SLC25A24: variants seen among roughly 807,000 people sequenced by gnomAD.
SLC25A24 encodes solute carrier family 25 member 24.
Under a neutral mutation model 60.7 loss-of-function variants are expected in SLC25A24, and 49 were observed. That is an observed-to-expected ratio of 0.81 (90% CI 0.64 to 1.02). The LOEUF is 1.02. SLC25A24 is among the 50% of genes least tolerant of loss of function. The pLI, the probability that SLC25A24 is intolerant of heterozygous loss-of-function variation, is 0.00. For missense variants in SLC25A24, 564 were observed against 586.3 expected (o/e 0.96, Z 0.39); for synonymous variants, 202 against 200.6 (o/e 1.01, Z -0.06).
chr1:108,138,311 G>A (rs1679344488), intron 9 of SLC25A24, among the ~76,000 whole-genome samples: 1 of 152,208 alleles, frequency 6.6e-6, no homozygotes, highest in Non-Finnish European at 1.5e-5. Flanking sequence ...TGGGGTTGCT[G>A]TGGCTGGCAC....
chr1:108,166,185 A>C (rs1571295751), intron 3 of SLC25A24, among the ~76,000 whole-genome samples: 1 of 151,954 alleles, frequency 6.6e-6, no homozygotes, highest in East Asian at 1.9e-4. Flanking sequence ...ATGGGCTTCC[A>C]TTTGAGGGTA....
intron 6 of SLC25A24, among the ~76,000 whole-genome samples, chr1:108,148,871 G>A (rs1042051302): frequency 2.0e-5 from 3 of 152,194 alleles, no homozygotes; most frequent in African/African-American, 7.2e-5. Context: ...GTCTCGAAAT[G>A]TATACACTAC....
chr1:108,171,706 T>C (rs945016583), intron 3 of SLC25A24, among the ~76,000 whole-genome samples: 7 of 152,214 alleles, frequency 4.6e-5, no homozygotes, highest in African/African-American at 1.7e-4. Flanking sequence ...ACAACAGGCA[T>C]GGCACTAAAC....
In SLC25A24 at chr1:108,134,424, C is replaced by T. The variant is rs571044579; in HGVS notation, c.*2229G>A. ...TTAAAAAATTACTTACCAGTGAATT[C>T]AACTTAGAATTTTTTCCCACAATTT... is the stretch of plus-strand genomic sequence containing the variant. On this transcript the variant is annotated 3_prime_UTR_variant, in exon 10 of 10. Coordinates refer to ENST00000565488, the MANE Select transcript of SLC25A24 (RefSeq NM_013386.5). The T allele has an allele frequency of 3.9e-5, 6 of 152,120 alleles. No homozygotes were observed. Among genetic ancestry groups the T allele is most frequent in the Non-Finnish European group, 8.8e-5 (6 of 68,014 alleles). The allele number at this position is 152,120 out of a possible 1,614,324, so 9.4% of individuals were successfully genotyped here. A position where few individuals can be genotyped will look rare whatever the true frequency, so the allele number is the denominator to read the frequency against.
intron 1 of SLC25A24, among the ~76,000 whole-genome samples, chr1:108,189,719 G>A (rs1040276216): frequency 1.3e-5 from 2 of 151,498 alleles, no homozygotes; most frequent in Non-Finnish European, 2.9e-5. Context: ...CGGAGGTTGA[G>A]GCACAAGAAT....
intron 3 of SLC25A24, among the ~76,000 whole-genome samples, chr1:108,164,976 G>T (rs1680203184): frequency 6.9e-6 from 1 of 144,150 alleles, no homozygotes; most frequent in Non-Finnish European, 1.5e-5. Context: ...GCGTCCCAGA[G>T]ATTCTGGTAT....
At chr1:108,189,892 T>G (rs149639959) in intron 1 of SLC25A24, among the ~76,000 whole-genome samples, 1,945 of 148,306 alleles carry the variant, frequency 0.013, 7 homozygotes, top group Non-Finnish European at 0.019. Flanking sequence ...TATGTATATA[T>G]AGAGAGAGTA....
At position 108,136,627 on chromosome 1, in the gene SLC25A24, A is replaced by G; in HGVS notation, c.*26T>C. ...CCAGAGATTGTTGAAAGTTTCAATT[A>G]TCAGGCTAAAGCAAAAAATGCAACA... On this transcript the variant is annotated 3_prime_UTR_variant, in exon 10 of 10. Coordinates refer to ENST00000565488, the MANE Select transcript of SLC25A24 (RefSeq NM_013386.5). 1 of 1,592,388 alleles carries G rather than the reference A, an allele frequency of 6.3e-7. No individual in the cohort carries two copies. The highest frequency in any genetic ancestry group is 1.1e-5 in the South Asian group (1 of 89,360).
chr1:108,182,909 A>C (rs1357116167), intron 2 of SLC25A24, among the ~76,000 whole-genome samples: 4 of 152,248 alleles, frequency 2.6e-5, no homozygotes, highest in South Asian at 2.1e-4. Context: ...AAAGACAGAA[A>C]ATTTTTAATA....
intron 3 of SLC25A24, among the ~76,000 whole-genome samples, chr1:108,178,120 C>T (rs1571303152): frequency 1.3e-5 from 2 of 152,094 alleles, no homozygotes; most frequent in South Asian, 2.1e-4. Flanking sequence ...CGAGACCCTG[C>T]CACTGCACTC....
intron 8 of SLC25A24, 125 bp from the exon 9 acceptor site, chr1:108,139,333 A>AAT: frequency 1.0e-6 from 1 of 977,652 alleles, no homozygotes; most frequent in Non-Finnish European, 1.5e-6. Flanking sequence ...CATTTGCAGA[A>AAT]GCAGCAGGCA....
intron 3 of SLC25A24, among the ~76,000 whole-genome samples, chr1:108,170,579 A>T (rs917303041): frequency 2.0e-5 from 3 of 152,116 alleles, no homozygotes; most frequent in African/African-American, 7.2e-5. Context: ...ACTATGATGG[A>T]TTTGCCAATT....
chr1:108,188,450 A>G (rs1022688501), intron 1 of SLC25A24, among the ~76,000 whole-genome samples: 3 of 152,190 alleles, frequency 2.0e-5, no homozygotes, highest in African/African-American at 7.2e-5. Context: ...GTGTGTTATA[A>G]CTGCCTACGG....
intron 7 of SLC25A24, among the ~76,000 whole-genome samples, chr1:108,146,622 T>A (rs185949875): frequency 4.6e-5 from 7 of 152,372 alleles, no homozygotes; most frequent in Admixed American, 6.5e-5. Flanking sequence ...GTTTTTAACA[T>A]GAAGTGGTGT....
At chr1:108,158,442 C>G (rs778027671) in intron 4 of SLC25A24, among the ~76,000 whole-genome samples, 1 of 152,074 alleles carries the variant, frequency 6.6e-6, no homozygotes, top group South Asian at 2.1e-4. Context: ...CAATTGTAGT[C>G]TCAACTGTTA....
chr1:108,191,962 G>A (rs114223611), intron 1 of SLC25A24, among the ~76,000 whole-genome samples: 1,679 of 138,968 alleles, frequency 0.012, 290 homozygotes, highest in Admixed American at 0.021. Flanking sequence ...GCCTAAGCTC[G>A]GTACTGATAA....
At chr1:108,180,008 G>A (rs1264204160) in intron 3 of SLC25A24, among the ~76,000 whole-genome samples, 1 of 152,002 alleles carries the variant, frequency 6.6e-6, no homozygotes, top group East Asian at 1.9e-4. Flanking sequence ...ATAAATAAAT[G>A]TTTTAAGTCA....
intron 1 of SLC25A24, among the ~76,000 whole-genome samples, chr1:108,187,927 G>GATATATATATATATATATATATAGAT (rs57513025): frequency 1.0e-5 from 1 of 95,748 alleles, no homozygotes; most frequent in African/African-American, 4.2e-5. Context: ...AGACATTATA[G>GATATATATATATATATATATATAGAT]ATATATATAT....
chr1:108,154,073 A>ATT (rs3043351), intron 6 of SLC25A24, among the ~76,000 whole-genome samples: 2,694 of 133,452 alleles, frequency 0.02, 58 homozygotes, highest in African/African-American at 0.035. Flanking sequence ...ATTTTCTTTA[A>ATT]TTTTTTTTTT....
Sources: allele counts gnomAD v4.1 joint callset (sites outside exome capture counted in the v4.1 genomes callset), GRCh38; gene constraint gnomAD v4.1.1; transcripts MANE v1.5; gene names NCBI Gene and HGNC (gene_info 2026-07-23, HGNC 2026-07-21).